The following ZNF146 variants were observed in gnomAD, a reference collection of about 807,000 sequenced individuals.
The protein encoded by ZNF146 is zinc finger protein 146.
Under a neutral mutation model 22.2 loss-of-function variants are expected in ZNF146, and 9 were observed. That is an observed-to-expected ratio of 0.41 (90% CI 0.24 to 0.71). ZNF146 has a LOEUF of 0.71. Ranked by LOEUF, ZNF146 falls within the 30% of genes least tolerant of loss-of-function variation. The probability of loss-of-function intolerance (pLI) is 0.34; values close to 1 mark genes in which losing one functional copy is unlikely to be tolerated. For synonymous variants in ZNF146, 108 were observed against 119.2 expected (o/e 0.91, Z 0.61); for missense variants, 194 against 344.8 (o/e 0.56, Z 3.46).
At chr19:36,223,287 T>G (rs1293206788) in intron 2 of ZNF146, among the ~76,000 whole-genome samples, 1 of 150,832 alleles carries the variant, frequency 6.6e-6, no homozygotes, top group Non-Finnish European at 1.5e-5. Flanking sequence ...GTCATTGTGG[T>G]GCACGAGATC....
At chr19:36,218,378 C>CA (rs368784054) in intron 2 of ZNF146, among the ~76,000 whole-genome samples, 183 bp downstream of exon 2, 4,712 of 150,816 alleles carry the variant, frequency 0.031, 210 homozygotes, top group African/African-American at 0.11. Context: ...TTACTAGCTG[C>CA]AAAAAAAATG....
At chr19:36,226,289 G>A (rs776923209) in intron 2 of ZNF146, among the ~76,000 whole-genome samples, 2 of 152,078 alleles carry the variant, frequency 1.3e-5, no homozygotes, top group Non-Finnish European at 2.9e-5. Flanking sequence ...TCACCTTCTC[G>A]TGTTTCTGTC....
chr19:36,230,146 G>A (rs554245706), intron 3 of ZNF146, among the ~76,000 whole-genome samples: 7 of 152,266 alleles, frequency 4.6e-5, no homozygotes, highest in African/African-American at 1.4e-4. Flanking sequence ...CAACTACATA[G>A]CATTTACTTT....
At chr19:36,215,796 G>T (rs890796063) in intron 1 of ZNF146, among the ~76,000 whole-genome samples, 1 of 152,108 alleles carries the variant, frequency 6.6e-6, no homozygotes, top group Middle Eastern at 3.2e-3. Context: ...AGCATTGTAC[G>T]CTTTGAGAAG....
At chr19:36,216,183 T>A (rs571629214) in intron 1 of ZNF146, among the ~76,000 whole-genome samples, 66 of 152,202 alleles carry the variant, frequency 4.3e-4, no homozygotes, top group Non-Finnish European at 7.3e-4. Context: ...AAACTAATAT[T>A]TACAATAGCA....
At chr19:36,232,111 G>C (rs1280359336) in intron 3 of ZNF146, among the ~76,000 whole-genome samples, 1 of 151,248 alleles carries the variant, frequency 6.6e-6, no homozygotes, top group Admixed American at 6.6e-5. Context: ...GCTGAGGCAG[G>C]AGAATCGGTT....
intron 3 of ZNF146, among the ~76,000 whole-genome samples, chr19:36,232,590 C>A (rs4239585): frequency 0.37 from 56,070 of 150,664 alleles, 10,640 homozygotes; most frequent in South Asian, 0.49. Flanking sequence ...AAATACTGAT[C>A]AGTTCTTTTT....
At chr19:36,217,547 A>C (rs904605656) in intron 1 of ZNF146, among the ~76,000 whole-genome samples, 1 of 152,152 alleles carries the variant, frequency 6.6e-6, no homozygotes, top group Non-Finnish European at 1.5e-5. Context: ...TTGTTAACTG[A>C]GAGAAAGCAA....
intron 2 of ZNF146, among the ~76,000 whole-genome samples, chr19:36,225,218 C>T (rs1041912502): frequency 6.6e-6 from 1 of 152,134 alleles, no homozygotes; most frequent in South Asian, 2.1e-4. Context: ...GAGGACACTG[C>T]TAATAGCCAA....
chr19:36,222,778 CT>C (rs55668684), intron 2 of ZNF146, among the ~76,000 whole-genome samples: 6,838 of 100,716 alleles, frequency 0.068, 100 homozygotes, highest in Non-Finnish European at 0.082. Context: ...TGAGTGGTGG[CT>C]TTTTTTTTTT....
At chr19:36,227,405 G>C (rs564454249) in intron 2 of ZNF146, among the ~76,000 whole-genome samples, 31 of 140,716 alleles carry the variant, frequency 2.2e-4, no homozygotes, top group Admixed American at 2.1e-4. Flanking sequence ...AAAAAAAAAA[G>C]ATTTTTTTTT....
At chr19:36,221,927 CTTT>C (rs60347994) in intron 2 of ZNF146, among the ~76,000 whole-genome samples, 199 of 109,878 alleles carry the variant, frequency 1.8e-3, no homozygotes, top group Middle Eastern at 6.6e-3. Flanking sequence ...TTTTTTCTTT[CTTT>C]TTTTTTTTTT....
intron 2 of ZNF146, among the ~76,000 whole-genome samples, chr19:36,223,822 C>T (rs1243430016): frequency 6.6e-6 from 1 of 151,764 alleles, no homozygotes; most frequent in East Asian, 1.9e-4. Flanking sequence ...TCACAGCTGA[C>T]TGCAGCCTTC....
intron 2 of ZNF146, among the ~76,000 whole-genome samples, chr19:36,227,871 T>C (rs1020812200): frequency 5.3e-5 from 8 of 152,258 alleles, no homozygotes; most frequent in African/African-American, 1.7e-4. Context: ...ATCTCTAATA[T>C]GAAATAGGAC....
chr19:36,224,146 C>T (rs1015763838), intron 2 of ZNF146, among the ~76,000 whole-genome samples: 9 of 152,166 alleles, frequency 5.9e-5, no homozygotes, highest in African/African-American at 2.2e-4. Flanking sequence ...CTTTGCAAGG[C>T]CAAGGTGGGT....
chr19:36,236,797 G>C lies in ZNF146; in HGVS notation c.357G>C (p.Gln119His), dbSNP rs781107422. The change falls in exon 4 of 4, where the codon CAG (glutamine) becomes CAC (histidine). Residue 119 changes from glutamine (Q) to histidine (H), a missense_variant. By Grantham distance (24) the Gln-to-His change is conservative. Coordinates refer to ENST00000443387, the MANE Select transcript of ZNF146 (RefSeq NM_007145.3). ...AGAAGTCAAACCTCATCAGACACCA[G>C]AGAACTCACACAGGAGAGAAGCCCT... is the stretch of plus-strand genomic sequence containing the variant. ...FIQKSNLIRH[Q>H]RTHTGEKPFV... 2 of 1,614,166 alleles carry C rather than the reference G, an allele frequency of 1.2e-6. No individual in the cohort carries two copies. The highest frequency in any genetic ancestry group is 2.2e-5 in the South Asian group (2 of 91,076).
chr19:36,222,719 C>T (rs2432047), intron 2 of ZNF146, among the ~76,000 whole-genome samples: 150,129 of 150,132 alleles, frequency 1, 75,063 homozygotes, highest in Non-Finnish European at 1. Flanking sequence ...GGGGTGTCTT[C>T]TCCTTAGAGG....
At chr19:36,235,159 A>T (rs1977594244) in intron 3 of ZNF146, among the ~76,000 whole-genome samples, 1 of 151,612 alleles carries the variant, frequency 6.6e-6, no homozygotes, top group Admixed American at 6.6e-5. Context: ...CAGTGAGCCG[A>T]GATCGCACCA....
chr19:36,238,530 A>G lies in ZNF146; in HGVS notation c.*1211A>G, dbSNP rs767213189. On this transcript the variant is annotated 3_prime_UTR_variant, in exon 4 of 4. Coordinates refer to ENST00000443387, the MANE Select transcript of ZNF146 (RefSeq NM_007145.3). Reference sequence around the variant, plus strand: ...ATTGATTCTGGATTGTGGTATAGGGATATCTTGTCTTATTTTTTGTACTTT... The same window carrying G: ...ATTGATTCTGGATTGTGGTATAGGGGTATCTTGTCTTATTTTTTGTACTTT... The G allele has an allele frequency of 1.8e-4, 30 of 167,144 alleles. No homozygotes were observed. Among genetic ancestry groups the G allele is most frequent in the Non-Finnish European group, 3.5e-4 (24 of 68,102 alleles). The allele number at this position is 167,144 out of a possible 1,614,324, so 10.4% of individuals were successfully genotyped here.
Sources: gnomAD v4.1 joint callset for allele counts (sites outside exome capture counted in the v4.1 genomes callset) on GRCh38, gnomAD v4.1.1 for gene constraint, MANE v1.5 for transcripts, NCBI Gene and HGNC (gene_info 2026-07-23, HGNC 2026-07-21) for gene names.